The following CRACD variants were observed in gnomAD, a reference collection of about 807,000 sequenced individuals.
The protein encoded by CRACD is capping protein inhibiting regulator of actin dynamics.
In CRACD, 56 loss-of-function variants were observed where a neutral mutation model predicts 106.8. That is an observed-to-expected ratio of 0.52 (90% CI 0.42 to 0.66). CRACD has a LOEUF of 0.66. Among genes scored for constraint, CRACD ranks in the 30% least tolerant of loss-of-function variants. CRACD has a pLI of 0.00. For missense variants in CRACD, 1,730 were observed against 1,623.2 expected, an observed-to-expected ratio of 1.07 and a Z score of -1.13; for synonymous variants, 754 against 670.8, an observed-to-expected ratio of 1.12 and a Z score of -1.92.
intron 1 of CRACD, among the ~76,000 whole-genome samples, chr4:56,100,770 G>A (rs1002313227): frequency 1.3e-5 from 2 of 152,170 alleles, no homozygotes; most frequent in East Asian, 3.9e-4. Context: ...AACTCTGTTG[G>A]CACCTTGGTC....
rs1740277238 is a variant in CRACD at position 56,240,105 on chromosome 4, A to G, written c.-188-32216A>G. Among the ~76,000 whole-genome samples the G allele has an allele frequency of 1.3e-5, 2 of 152,170 alleles. 1 individual carries two copies. Among genetic ancestry groups the G allele is most frequent in the African/African-American group, 4.8e-5 (2 of 41,444 alleles). ...TACTAGACACTGATAATACAGAGCT[A>G]TAAGACATAGTATTCATTTATTAAA... On this transcript the variant is annotated intron_variant, in intron 2 of 10. Coordinates refer to ENST00000682029, the MANE Select transcript of CRACD (RefSeq NM_001393381.1).
intron 2 of CRACD, among the ~76,000 whole-genome samples, chr4:56,204,082 A>G (rs6817929): frequency 0.5 from 75,573 of 152,118 alleles, 19,259 homozygotes; most frequent in East Asian, 0.71. Flanking sequence ...CACTTGGTGA[A>G]TGGCAGGCAA....
Position 56,316,290 on chromosome 4 carries a change from C to T in CRACD, c.2788C>T (p.Pro930Ser). Reference protein sequence around the residue: ...SAEPSSSRSVPVAHPGPPPAS... With the variant: ...SAEPSSSRSVSVAHPGPPPAS... ...TGAACCTTCCAGCAGCCGCTCTGTT[C>T]CTGTGGCCCACCCTGGGCCTCCACC... Residue 930 changes from proline to serine, a missense_variant, in exon 8 of 11, where the codon CCT becomes TCT. Physicochemically the swap from Pro to Ser is moderately conservative, Grantham distance 74. Transcript: ENST00000682029. 1 of 1,614,028 alleles carries T rather than the reference C, an allele frequency of 6.2e-7. No homozygotes were observed.
In CRACD at chr4:56,256,585, GAGCC is replaced by G. The variant is rs144261007; in HGVS notation, c.-188-15734_-188-15731del. ...GCCTACTGTGAACTGGGCATTGTCT[GAGCC>G]ACTACACCATGAAGTTAGGAAGGTA... On this transcript the variant is annotated intron_variant, in intron 2 of 10. Coordinates refer to ENST00000682029, the MANE Select transcript of CRACD (RefSeq NM_001393381.1). Among the ~76,000 whole-genome samples, 543 of 152,288 alleles carry G rather than the reference GAGCC, an allele frequency of 3.6e-3. 3 individuals carry two copies. The highest frequency in any genetic ancestry group is 0.012 in the African/African-American group (513 of 41,554).
At position 56,289,620 on chromosome 4, in the gene CRACD, G is replaced by A. The variant is rs370075809; in HGVS notation, c.-16-8594G>A. Among the ~76,000 whole-genome samples, 5 of 151,126 alleles carry A rather than the reference G, an allele frequency of 3.3e-5. No individual in the cohort carries two copies. The South Asian group carries it at 1.0e-3, about 32-fold the overall frequency. On this transcript the variant is annotated intron_variant, in intron 3 of 10. Transcript: ENST00000682029. ...CCTGGAGAGTTCGAAGCTGCAGTGAGCAGAGAGACCACTGCAGCAGAATGC... is the reference window on the plus strand; with the variant it reads ...CCTGGAGAGTTCGAAGCTGCAGTGAACAGAGAGACCACTGCAGCAGAATGC...
At chr4:56,064,617 T>A (rs1347057252) in intron 1 of CRACD, among the ~76,000 whole-genome samples, 1 of 152,190 alleles carries the variant, frequency 6.6e-6, no homozygotes, top group Non-Finnish European at 1.5e-5. Flanking sequence ...GATTATCTCC[T>A]TTCTCTTCAC....
chr4:56,308,972 G>A (rs1744944600), intron 5 of CRACD: 1 of 1,188,548 alleles, frequency 8.4e-7, no homozygotes, highest in Non-Finnish European at 1.1e-6. Context: ...ATTCTACAAG[G>A]GGCCCCCCAT....
At chr4:56,174,060 G>C (rs950897231) in intron 1 of CRACD, among the ~76,000 whole-genome samples, 9 of 152,142 alleles carry the variant, frequency 5.9e-5, no homozygotes, top group Non-Finnish European at 7.4e-5. Flanking sequence ...AAATAAATTG[G>C]GTTGTTTGTT....
chr4:56,244,798 A>G (rs1740589849), intron 2 of CRACD, among the ~76,000 whole-genome samples: 1 of 152,196 alleles, frequency 6.6e-6, no homozygotes, highest in African/African-American at 2.4e-5. Context: ...AAAAGTTTTG[A>G]ATATAACTCC....
At position 56,327,844 on chromosome 4, in the gene CRACD, C is replaced by T. The variant is rs1256756179; in HGVS notation, c.*40C>T. On this transcript the variant is annotated 3_prime_UTR_variant, in exon 11 of 11. Coordinates refer to ENST00000682029, the MANE Select transcript of CRACD (RefSeq NM_001393381.1). ...CCATCCCTACTGCCAGTTATTGGCTCCTCTCTTGCCCTTTTTATTTATTTA... is the reference window on the plus strand; with the variant it reads ...CCATCCCTACTGCCAGTTATTGGCTTCTCTCTTGCCCTTTTTATTTATTTA... 12 of 1,511,490 alleles carry T rather than the reference C, an allele frequency of 7.9e-6. No individual in the cohort carries two copies. Among genetic ancestry groups the T allele is most frequent in the Non-Finnish European group, 9.9e-6 (11 of 1,112,020 alleles). The allele number at this position is 1,511,490 out of a possible 1,614,324, so 93.6% of individuals were successfully genotyped here.
chr4:56,116,419 G>A (rs1172090895), intron 1 of CRACD, among the ~76,000 whole-genome samples: 1 of 152,216 alleles, frequency 6.6e-6, no homozygotes, highest in African/African-American at 2.4e-5. Flanking sequence ...GTCAGAGTAA[G>A]TAATGGAGAT....
intron 2 of CRACD, among the ~76,000 whole-genome samples, chr4:56,234,280 A>G (rs1739826482): frequency 6.6e-6 from 1 of 152,112 alleles, no homozygotes; most frequent in South Asian, 2.1e-4. Context: ...CCTGGCAATC[A>G]CTGACCTGTT....
intron 2 of CRACD, among the ~76,000 whole-genome samples, chr4:56,226,095 G>T (rs1739285321): frequency 6.6e-6 from 1 of 150,934 alleles, no homozygotes; most frequent in Non-Finnish European, 1.5e-5. Flanking sequence ...AAGAAGTGGG[G>T]CCTTCTTATC....
intron 1 of CRACD, among the ~76,000 whole-genome samples, chr4:56,072,653 C>A (rs1283618448): frequency 6.6e-6 from 1 of 151,872 alleles, no homozygotes; most frequent in African/African-American, 2.4e-5. Flanking sequence ...ATGTGCAGAA[C>A]GTCCAGGTTT....
At chr4:56,223,442 A>G (rs1739149601) in intron 2 of CRACD, among the ~76,000 whole-genome samples, 1 of 152,164 alleles carries the variant, frequency 6.6e-6, no homozygotes, top group South Asian at 2.1e-4. Flanking sequence ...GGGACAGATC[A>G]TGTCAGGTTG....
intron 1 of CRACD, among the ~76,000 whole-genome samples, chr4:56,132,190 T>C (rs1368810303): frequency 1.3e-5 from 2 of 152,062 alleles, no homozygotes; most frequent in Non-Finnish European, 2.9e-5. Flanking sequence ...ACCACAGGCA[T>C]GTGCCTGGCT....
chr4:56,064,739 T>C (rs1016631251), intron 1 of CRACD, among the ~76,000 whole-genome samples: 1 of 152,206 alleles, frequency 6.6e-6, no homozygotes, highest in African/African-American at 2.4e-5. Context: ...ATTGTTCACA[T>C]GTGTAGCTTC....
intron 3 of CRACD, among the ~76,000 whole-genome samples, chr4:56,287,787 A>AAGGAAAG (rs1266005033): frequency 6.6e-6 from 1 of 152,120 alleles, no homozygotes; most frequent in African/African-American, 2.4e-5. Context: ...GGGTAAAGGA[A>AAGGAAAG]AGGAAAGAGG....
At chr4:56,272,073 A>G (rs1246206653) in intron 2 of CRACD, among the ~76,000 whole-genome samples, 1 of 152,078 alleles carries the variant, frequency 6.6e-6, no homozygotes, top group Non-Finnish European at 1.5e-5. Flanking sequence ...TTCTCCCCAG[A>G]TGTTTCTTGG....
Sources: allele counts gnomAD v4.1 joint callset (sites outside exome capture counted in the v4.1 genomes callset), GRCh38; gene constraint gnomAD v4.1.1; transcripts MANE v1.5; gene names NCBI Gene and HGNC (gene_info 2026-07-23, HGNC 2026-07-21).